Variants in RAB11FIP4 observed in about 807,000 individuals in gnomAD.
The protein encoded by RAB11FIP4 is RAB11 family interacting protein 4.
A neutral mutation model predicts 74.3 loss-of-function variants in RAB11FIP4; 23 were observed. The ratio of observed to expected loss-of-function variants is 0.31; its 90% CI spans 0.22 to 0.44. The LOEUF (loss-of-function observed/expected upper bound fraction) is 0.44. Among genes scored for constraint, RAB11FIP4 ranks in the 20% least tolerant of loss-of-function variants. RAB11FIP4 has a pLI of 1.00. For missense variants in RAB11FIP4, 630 were observed against 863.9 expected (o/e 0.73, Z 3.39); for synonymous variants, 360 against 359.9 (o/e 1.00, Z 0.00).
rs371923406 is a variant in RAB11FIP4 at position 31,446,194 on chromosome 17, G to A, written c.336+12072G>A. Reference sequence around the variant, plus strand: ...AAAATAAAATGGTGTGGCGAGGAGGGGGCCAGGAGGGGAGTTCTACTGTGT... The same window carrying A: ...AAAATAAAATGGTGTGGCGAGGAGGAGGCCAGGAGGGGAGTTCTACTGTGT... On this transcript the variant is annotated intron_variant, in intron 3 of 14. Coordinates refer to ENST00000621161, the MANE Select transcript of RAB11FIP4 (RefSeq NM_032932.6). 2.5e-3 allele frequency among the ~76,000 whole-genome samples: 381 copies of A among 152,074 alleles called. 1 individual carries two copies. The highest frequency in any genetic ancestry group is 8.5e-3 in the African/African-American group (352 of 41,476).
At chr17:31,461,195 A>G (rs2071631280) in intron 3 of RAB11FIP4, among the ~76,000 whole-genome samples, 1 of 151,944 alleles carries the variant, frequency 6.6e-6, no homozygotes, top group African/African-American at 2.4e-5. Context: ...GGCCATTTGC[A>G]GCAGAGGTGC....
At chr17:31,499,031 C>G (rs769166588) in intron 3 of RAB11FIP4, among the ~76,000 whole-genome samples, 15 of 152,174 alleles carry the variant, frequency 9.9e-5, no homozygotes, top group Non-Finnish European at 1.9e-4. Context: ...ACCAGGAGAG[C>G]CCTTTATACG....
intron 3 of RAB11FIP4, among the ~76,000 whole-genome samples, chr17:31,508,477 G>A (rs549149346): frequency 6.6e-6 from 1 of 152,338 alleles, no homozygotes; most frequent in East Asian, 1.9e-4. Context: ...TGGGTGCTAC[G>A]TGAACTTGGA....
At chr17:31,456,422 G>T (rs2071579397) in intron 3 of RAB11FIP4, among the ~76,000 whole-genome samples, 1 of 152,148 alleles carries the variant, frequency 6.6e-6, no homozygotes, top group Non-Finnish European at 1.5e-5. Flanking sequence ...GCCCAGGCTT[G>T]TCTCGAACTC....
intron 7 of RAB11FIP4, 37 bp from the exon 8 acceptor site, chr17:31,523,475 G>A: frequency 6.5e-7 from 1 of 1,542,578 alleles, no homozygotes; most frequent in Non-Finnish European, 9.0e-7. Flanking sequence ...TCTCTGGAAG[G>A]CCCCTGCAGC....
At chr17:31,455,543 A>C (rs1313123420) in intron 3 of RAB11FIP4, among the ~76,000 whole-genome samples, 2 of 152,142 alleles carry the variant, frequency 1.3e-5, no homozygotes, top group Non-Finnish European at 2.9e-5. Context: ...ATCCCCTTCA[A>C]GTTCCTGCCT....
chr17:31,416,381 AG>A (rs2071148373), intron 1 of RAB11FIP4, among the ~76,000 whole-genome samples: 1 of 152,184 alleles, frequency 6.6e-6, no homozygotes, highest in Non-Finnish European at 1.5e-5. Flanking sequence ...GCCTGGGCTC[AG>A]GGTGCAGGAA....
At chr17:31,489,211 G>C (rs2071960534) in intron 3 of RAB11FIP4, among the ~76,000 whole-genome samples, 1 of 152,192 alleles carries the variant, frequency 6.6e-6, no homozygotes, top group Non-Finnish European at 1.5e-5. Context: ...CTTCTGCCCT[G>C]CCCTGCCAGA....
chr17:31,477,355 T>A (rs573057289), intron 3 of RAB11FIP4, among the ~76,000 whole-genome samples: 7 of 152,256 alleles, frequency 4.6e-5, no homozygotes, highest in African/African-American at 1.7e-4. Context: ...GGTGGGGGGC[T>A]CAGTGCTCCC....
intron 8 of RAB11FIP4, 53 bp from the exon 9 acceptor site, chr17:31,523,840 C>T (rs576680116): frequency 1.1e-5 from 15 of 1,383,148 alleles, no homozygotes; most frequent in East Asian, 7.0e-5. Flanking sequence ...TCGAGGTTCT[C>T]GGTTCTGTGG....
At position 31,411,274 on chromosome 17, in the gene RAB11FIP4, G is replaced by A. The variant is rs748795854; in HGVS notation, c.159+19263G>A. Among the ~76,000 whole-genome samples the A allele has an allele frequency of 1.0e-3, 157 of 152,334 alleles. 1 individual carries two copies. Among genetic ancestry groups the A allele is most frequent in the Non-Finnish European group, 1.9e-3 (132 of 68,030 alleles). ...AGCTACTCTGGAGGCTGAGGCAGGA[G>A]AATAGCGTGAACCTGGGAGGCAGAG... On this transcript the variant is annotated intron_variant, in intron 1 of 14. Coordinates refer to ENST00000621161, the MANE Select transcript of RAB11FIP4 (RefSeq NM_032932.6).
chr17:31,437,256 G>A (rs889772985), intron 3 of RAB11FIP4, among the ~76,000 whole-genome samples: 1 of 152,168 alleles, frequency 6.6e-6, no homozygotes, highest in African/African-American at 2.4e-5. Context: ...GGGAGAGGAA[G>A]GGGGCACAAT....
chr17:31,416,064 T>C (rs2071144723), intron 1 of RAB11FIP4, among the ~76,000 whole-genome samples: 1 of 152,194 alleles, frequency 6.6e-6, no homozygotes, highest in Non-Finnish European at 1.5e-5. Flanking sequence ...GGTCACGCAG[T>C]GGTACCTTAT....
rs2072911575 is a variant in RAB11FIP4, at chr17:31,533,746, G to A, written c.*2014G>A. ...GGAAGGAATCTCTGCCACGGGAAAG[G>A]TGGGCGGAAGCAGCTGGCAGCCTGG... On this transcript the variant is annotated 3_prime_UTR_variant, in exon 15 of 15. Transcript: ENST00000621161. 1 of 152,274 alleles carries A rather than the reference G, an allele frequency of 6.6e-6. No individual in the cohort carries two copies. Among genetic ancestry groups the A allele is most frequent in the South Asian group, 2.1e-4 (1 of 4,832 alleles). 9.4% of individuals were successfully genotyped at this position (152,274 alleles called of 1,614,324 possible).
intron 1 of RAB11FIP4, among the ~76,000 whole-genome samples, chr17:31,407,791 T>C (rs1351256028): frequency 6.6e-6 from 1 of 152,198 alleles, no homozygotes; most frequent in Non-Finnish European, 1.5e-5. Flanking sequence ...ATTAAGGTGG[T>C]GTCTACCTCA....
chr17:31,530,323 T>C lies in RAB11FIP4; in HGVS notation c.1654-3T>C. On this transcript the variant is annotated splice_region_variant and splice_polypyrimidine_tract_variant and intron_variant, in intron 13 of 14. Transcript: ENST00000621161. Reference sequence around the variant, plus strand: ...GATGTCGCCTTCGTCCTTCTCTCTGTAGGAGAATTATAAGCTGCGGGATCA... The same window carrying C: ...GATGTCGCCTTCGTCCTTCTCTCTGCAGGAGAATTATAAGCTGCGGGATCA... The C allele has an allele frequency of 1.2e-6, 2 of 1,613,944 alleles. No individual in the cohort carries two copies. Among genetic ancestry groups the C allele is most frequent in the Admixed American group, 1.7e-5 (1 of 60,008 alleles).
At chr17:31,457,028 TC>T (rs1387902626) in intron 3 of RAB11FIP4, among the ~76,000 whole-genome samples, 3 of 152,124 alleles carry the variant, frequency 2.0e-5, no homozygotes, top group African/African-American at 7.2e-5. Context: ...GGTGGCCTGG[TC>T]CTGGGGGCCT....
intron 3 of RAB11FIP4, among the ~76,000 whole-genome samples, chr17:31,436,665 C>T (rs1408767621): frequency 1.3e-5 from 2 of 152,106 alleles, no homozygotes; most frequent in Non-Finnish European, 2.9e-5. Flanking sequence ...ACCGCGTCAG[C>T]CTATCTCAGC....
At chr17:31,425,615 A>G (rs2071240929) in intron 1 of RAB11FIP4, among the ~76,000 whole-genome samples, 1 of 152,266 alleles carries the variant, frequency 6.6e-6, no homozygotes, top group Non-Finnish European at 1.5e-5. Context: ...GAAAGGCAAC[A>G]GAAATAGAAG....
Sources: gnomAD v4.1 joint callset for allele counts (sites outside exome capture counted in the v4.1 genomes callset) on GRCh38, gnomAD v4.1.1 for gene constraint, MANE v1.5 for transcripts, NCBI Gene and HGNC (gene_info 2026-07-23, HGNC 2026-07-21) for gene names.